Variants in RUNX1T1 observed in about 807,000 individuals in gnomAD.
RUNX1T1 encodes protein CBFA2T1.
A neutral mutation model predicts 62.8 loss-of-function variants in RUNX1T1; 4 were observed. The observed-to-expected ratio is 0.06, with a 90% CI of 0.03 to 0.15. RUNX1T1 has a LOEUF of 0.15. RUNX1T1 is among the 10% of genes least tolerant of loss of function. RUNX1T1 has a pLI of 1.00. For synonymous variants in RUNX1T1, 291 were observed against 286.0 expected, an observed-to-expected ratio of 1.02 and a Z score of -0.18; for missense variants, 508 against 754.3, an observed-to-expected ratio of 0.67 and a Z score of 3.82.
At chr8:92,012,199 GC>G (rs1172020509) in intron 3 of RUNX1T1, among the ~76,000 whole-genome samples, 2 of 152,168 alleles carry the variant, frequency 1.3e-5, no homozygotes, top group Non-Finnish European at 2.9e-5. Flanking sequence ...ATGTCAAGGA[GC>G]CAATTTTTTA....
chr8:92,039,253 C>T (rs561048114), intron 1 of RUNX1T1, among the ~76,000 whole-genome samples: 6 of 152,028 alleles, frequency 3.9e-5, no homozygotes, highest in South Asian at 4.2e-4. Flanking sequence ...GTGATCCAAC[C>T]GCCTTGGTCT....
intron 1 of RUNX1T1, among the ~76,000 whole-genome samples, chr8:92,031,137 A>G (rs1019992539): frequency 5.3e-5 from 8 of 152,138 alleles, no homozygotes; most frequent in Non-Finnish European, 1.2e-4. Flanking sequence ...GTCCATCCCA[A>G]TATTCTGTCA....
chr8:91,996,190 A>AT (rs1361081512), intron 5 of RUNX1T1, among the ~76,000 whole-genome samples: 4 of 148,956 alleles, frequency 2.7e-5, no homozygotes, highest in East Asian at 1.9e-4. Context: ...TTTGTTTTTT[A>AT]TTTTTTTTAT....
chr8:91,984,352 G>C (rs893675370), intron 8 of RUNX1T1, among the ~76,000 whole-genome samples: 2 of 152,148 alleles, frequency 1.3e-5, no homozygotes, highest in African/African-American at 4.8e-5. Flanking sequence ...TATGAAGTCT[G>C]ATCAATTTCG....
intron 5 of RUNX1T1, among the ~76,000 whole-genome samples, chr8:92,003,555 AC>A (rs138300106): frequency 0.014 from 2,083 of 152,072 alleles, 50 homozygotes; most frequent in African/African-American, 0.047. Context: ...CACCCCAACA[AC>A]CCTAAATAAA....
At chr8:91,993,893 G>T (rs1026199445) in intron 5 of RUNX1T1, among the ~76,000 whole-genome samples, 1 of 152,142 alleles carries the variant, frequency 6.6e-6, no homozygotes, top group African/African-American at 2.4e-5. Context: ...TCGGGAGGCT[G>T]AGGCAGGAGA....
chr8:92,024,207 A>G (rs1424652823), intron 1 of RUNX1T1, among the ~76,000 whole-genome samples: 1 of 152,136 alleles, frequency 6.6e-6, no homozygotes, highest in East Asian at 1.9e-4. Flanking sequence ...AAATGCTGAT[A>G]AAATAACCCT....
At chr8:91,970,043 T>TGTGTGTGTGTGTGTTGTGTG (rs11374252) in intron 10 of RUNX1T1, among the ~76,000 whole-genome samples, 35 of 142,714 alleles carry the variant, frequency 2.5e-4, no homozygotes, top group African/African-American at 9.0e-4. Flanking sequence ...TGTGTGTGTG[T>TGTGTGTGTGTGTGTTGTGTG]TGTGTGTGTG....
At chr8:92,019,581 G>T (rs917473273) in intron 1 of RUNX1T1, among the ~76,000 whole-genome samples, 12 of 152,026 alleles carry the variant, frequency 7.9e-5, no homozygotes, top group African/African-American at 2.9e-4. Context: ...ACCTTAATGT[G>T]CACAGCCCCC....
intron 2 of RUNX1T1, 81 bp downstream of exon 2, chr8:92,075,884 T>C (rs1007355735): frequency 5.5e-6 from 7 of 1,279,672 alleles, no homozygotes; most frequent in Non-Finnish European, 7.6e-6. Context: ...ATCTTTACAA[T>C]TATAATTTAT....
intron 1 of RUNX1T1, among the ~76,000 whole-genome samples, chr8:92,053,885 C>A (rs1175776551): frequency 6.6e-6 from 1 of 152,038 alleles, no homozygotes; most frequent in Non-Finnish European, 1.5e-5. Context: ...ACATAAATGG[C>A]AGCTTTATCA....
downstream of RUNX1T1, chr8:91,958,385 C>T (rs1265276718): frequency 5.1e-6 from 1 of 197,396 alleles, no homozygotes; most frequent in Non-Finnish European, 1.1e-5. Context: ...TGGTGCTTTT[C>T]AAAATTCCGA....
intron 5 of RUNX1T1, chr8:91,994,517 C>T: frequency 2.1e-6 from 1 of 473,746 alleles, no homozygotes. Context: ...GTGGAAAGAG[C>T]ACTGGACTGG....
rs1830110573 is a variant in RUNX1T1, at chr8:92,050,785, A to C, written c.7+11761T>G. 1.3e-5 allele frequency among the ~76,000 whole-genome samples: 2 copies of C among 152,200 alleles called. 1 individual carries two copies. The highest frequency in any genetic ancestry group is 4.1e-4 in the South Asian group (2 of 4,836). On this transcript the variant is annotated intron_variant, in intron 1 of 10. Coordinates refer to ENST00000396218, the Ensembl canonical transcript of RUNX1T1. Reference sequence around the variant, plus strand: ...GTTATCCTTTTAAAGGGGGCAATTTAGATCATGTCACTTCCTAGCTTAACC... The same window carrying C: ...GTTATCCTTTTAAAGGGGGCAATTTCGATCATGTCACTTCCTAGCTTAACC...
chr8:92,076,595 TTG>T (rs1389521861), intron 1 of RUNX1T1, among the ~76,000 whole-genome samples: 5 of 152,122 alleles, frequency 3.3e-5, no homozygotes, highest in African/African-American at 1.2e-4. Flanking sequence ...TATTCAAATT[TTG>T]TTTCGCTGTT....
intron 1 of RUNX1T1, among the ~76,000 whole-genome samples, chr8:92,041,283 G>A (rs1462715043): frequency 6.6e-6 from 1 of 152,082 alleles, no homozygotes; most frequent in African/African-American, 2.4e-5. Flanking sequence ...TATACTATTC[G>A]ACTAACACCT....
At chr8:92,039,221 G>A (rs957086115) in intron 1 of RUNX1T1, among the ~76,000 whole-genome samples, 2 of 150,030 alleles carry the variant, frequency 1.3e-5, no homozygotes, top group Admixed American at 6.7e-5. Context: ...TGCCCAGGCT[G>A]GTCTCGAACT....
At chr8:92,059,081 T>A (rs1322291682) in intron 1 of RUNX1T1, among the ~76,000 whole-genome samples, 1 of 152,122 alleles carries the variant, frequency 6.6e-6, no homozygotes, top group Non-Finnish European at 1.5e-5. Flanking sequence ...GTTTCAGGGT[T>A]TGAAGGGAAG....
chr8:92,049,081 T>A (rs1263743478), intron 1 of RUNX1T1, among the ~76,000 whole-genome samples: 1 of 148,994 alleles, frequency 6.7e-6, no homozygotes, highest in Non-Finnish European at 1.5e-5. Flanking sequence ...TTTCTTTCCC[T>A]CTCTTTCTAG....
Sources: allele counts gnomAD v4.1 joint callset (sites outside exome capture counted in the v4.1 genomes callset), GRCh38; gene constraint gnomAD v4.1.1; transcripts MANE v1.5; gene names NCBI Gene and HGNC (gene_info 2026-07-23, HGNC 2026-07-21).